The following HIF3A variants were observed in gnomAD, a reference collection of about 807,000 sequenced individuals.
HIF3A encodes hypoxia inducible factor 3 subunit alpha, also known as hypoxia-inducible factor 3-alpha.
In HIF3A, 41 loss-of-function variants were observed where a neutral mutation model predicts 67.2. That is an observed-to-expected ratio of 0.61 (90% CI 0.48 to 0.79). The LOEUF (loss-of-function observed/expected upper bound fraction) is 0.79. Among genes scored for constraint, HIF3A ranks in the 30% least tolerant of loss-of-function variants. The probability of loss-of-function intolerance (pLI) is 0.00; values close to 1 mark genes in which losing one functional copy is unlikely to be tolerated. For synonymous variants in HIF3A, 356 were observed against 374.8 expected (o/e 0.95, Z 0.58); for missense variants, 855 against 898.0 (o/e 0.95, Z 0.61).
chr19:46,335,144 A>G (rs1023668151), intron 14 of HIF3A, among the ~76,000 whole-genome samples, 158 bp downstream of exon 14: 3 of 152,080 alleles, frequency 2.0e-5, no homozygotes, highest in African/African-American at 7.2e-5. Context: ...TCTCATGGGC[A>G]CTGTGGAGGA....
chr19:46,304,209 CG>C lies in HIF3A; in HGVS notation c.217+122del, dbSNP rs984877221. The C allele has an allele frequency of 1.2e-4, 97 of 793,938 alleles. 1 individual carries two copies. The highest frequency in any genetic ancestry group is 1.5e-4 in the Non-Finnish European group (85 of 557,666). 49.2% of individuals were successfully genotyped at this position (793,938 alleles called of 1,614,324 possible). A position where few individuals can be genotyped will look rare whatever the true frequency, so the allele number is the denominator to read the frequency against. ...CTGACAAAGCCCCGCCCCCTGGTGTCGTTTTTTTCGGCGGAGCCCCACCCCC... is the reference window on the plus strand; with the variant it reads ...CTGACAAAGCCCCGCCCCCTGGTGTCTTTTTTTCGGCGGAGCCCCACCCCC... On this transcript the variant is annotated intron_variant, in intron 2 of 14. Coordinates refer to ENST00000377670, the MANE Select transcript of HIF3A (RefSeq NM_152795.4).
At chr19:46,298,185 A>G (rs4803923) in intron 1 of HIF3A, 257,817 of 301,050 alleles carry the variant, frequency 0.86, 111,539 homozygotes, top group Non-Finnish European at 0.91. Flanking sequence ...GATTGGATCC[A>G]TGCACACCCC....
intron 11 of HIF3A, among the ~76,000 whole-genome samples, chr19:46,327,374 G>A (rs963453975): frequency 4.7e-5 from 7 of 147,996 alleles, no homozygotes; most frequent in Non-Finnish European, 3.0e-5. Context: ...GGAATTCAGT[G>A]ACGCAATCTT....
rs1334718768 is a variant in HIF3A at position 46,338,581 on chromosome 19, A to C, written c.1913-944A>C. The stretch of plus-strand genomic sequence containing the variant: ...CTGGTTTCCCAAGTAACAACAGCTG[A>C]CTTAACTGCTTTCTCACCAGTACTA... On this transcript the variant is annotated intron_variant, in intron 14 of 14. Transcript: ENST00000377670. 4.7e-6 allele frequency: 5 copies of C among 1,074,222 alleles called. No individual in the cohort carries two copies. In the African/African-American group the frequency reaches 6.9e-5, roughly 15 times the overall value. The allele number at this position is 1,074,222 out of a possible 1,614,324, so 66.5% of individuals were successfully genotyped here.
At chr19:46,335,980 G>A (rs897846400) in intron 14 of HIF3A, among the ~76,000 whole-genome samples, 1 of 151,892 alleles carries the variant, frequency 6.6e-6, no homozygotes, top group African/African-American at 2.4e-5. Flanking sequence ...GTTCGAGGCT[G>A]CAGTGAGCTG....
chr19:46,331,855 C>CAAAAA (rs532285027), intron 13 of HIF3A, among the ~76,000 whole-genome samples: 5,854 of 51,008 alleles, frequency 0.11, 381 homozygotes, highest in African/African-American at 0.27. Flanking sequence ...AACTCCGTCT[C>CAAAAA]AAAAAAAAAA....
At chr19:46,301,718 C>T (rs544147491) in intron 1 of HIF3A, among the ~76,000 whole-genome samples, 11 of 151,178 alleles carry the variant, frequency 7.3e-5, no homozygotes, top group South Asian at 4.2e-4. Context: ...CCCAGCTACT[C>T]GGGAGGCTGA....
intron 9 of HIF3A, 77 bp from the exon 10 acceptor site, chr19:46,321,699 G>C: frequency 7.9e-7 from 1 of 1,273,444 alleles, no homozygotes. Flanking sequence ...CTGTGTTCCT[G>C]GGGTTGGTAT....
intron 12 of HIF3A, 82 bp from the exon 13 acceptor site, chr19:46,331,074 G>A: frequency 9.7e-7 from 1 of 1,033,966 alleles, no homozygotes. Flanking sequence ...GGGAGTGAAT[G>A]AATGCTCATC....
At chr19:46,318,530 G>C (rs112479404) in intron 8 of HIF3A, among the ~76,000 whole-genome samples, 12,679 of 122,922 alleles carry the variant, frequency 0.1, 836 homozygotes, top group East Asian at 0.29. Flanking sequence ...GCCTGAGCGA[G>C]AGAGTGAGAT....
intron 1 of HIF3A, chr19:46,298,506 T>C (rs1410200264): frequency 1.6e-6 from 2 of 1,279,196 alleles, no homozygotes; most frequent in East Asian, 1.1e-4. Flanking sequence ...AACGGGGGCC[T>C]GGGCGATGGT....
rs774610340 is a variant in HIF3A, at chr19:46,297,085, G to C, written c.9G>C (p.Leu3=). The change falls in exon 1 of 15, where the codon CTG becomes CTC. Residue 3 remains leucine (L), a synonymous_variant. Transcript: ENST00000377670. This position sits in a 1 kb window ranked among gnomAD's most constrained non-coding sequence, Gnocchi z 4.5. Reference sequence around the variant, plus strand: ...GCGGCGACTGGCGAGCCATGGCGCTGGGGCTGCAGCGCGCAAGGTACTGAA... The same window carrying C: ...GCGGCGACTGGCGAGCCATGGCGCTCGGGCTGCAGCGCGCAAGGTACTGAA... MA[L]GLQRARSTTE... is the part of the protein sequence containing the mutation. 4 of 1,307,632 alleles carry C rather than the reference G, an allele frequency of 3.1e-6. No homozygotes were observed. Among genetic ancestry groups the C allele is most frequent in the Non-Finnish European group, 3.9e-6 (4 of 1,018,474 alleles). 81.0% of individuals were successfully genotyped at this position (1,307,632 alleles called of 1,614,324 possible). A position where few individuals can be genotyped will look rare whatever the true frequency, so the allele number is the denominator to read the frequency against.
rs899894595 is a variant in HIF3A at position 46,298,658 on chromosome 19, C to T, written c.26+1556C>T. On this transcript the variant is annotated intron_variant, in intron 1 of 14. Transcript: ENST00000377670. ...AGAGTGCCCAGTGAGGTAGTATTCC[C>T]GGAGAAGATAGGATTTTGGGGACCA... 1.5e-4 allele frequency: 81 copies of T among 532,860 alleles called. 2 individuals carry two copies. The highest frequency in any genetic ancestry group is 1.2e-3 in the South Asian group (63 of 50,820). The allele number at this position is 532,860 out of a possible 1,614,324, so 33.0% of individuals were successfully genotyped here. A position where few individuals can be genotyped will look rare whatever the true frequency, so the allele number is the denominator to read the frequency against.
intron 2 of HIF3A, 78 bp from the exon 3 acceptor site, chr19:46,305,167 G>A (rs1311055498): frequency 6.2e-7 from 1 of 1,601,882 alleles, no homozygotes; most frequent in Admixed American, 1.7e-5. Context: ...AAGGCAGAGG[G>A]AGGCTAGCCC....
rs975787613 is a variant in HIF3A at position 46,297,328 on chromosome 19, C to T, written c.26+226C>T. ...CCGCCCCTCTGGCCAAGAGCGGCTT[C>T]GGGGTTCCCGATTTCTCGCTACCCA... On this transcript the variant is annotated intron_variant, in intron 1 of 14. Coordinates refer to ENST00000377670, the MANE Select transcript of HIF3A (RefSeq NM_152795.4). The surrounding 1 kb of genome is among the most constrained non-coding windows in gnomAD (Gnocchi z 4.5). 6.6e-6 allele frequency among the ~76,000 whole-genome samples: 1 copy of T among 152,222 alleles called. No homozygotes were observed. Among genetic ancestry groups the T allele is most frequent in the Non-Finnish European group, 1.5e-5 (1 of 68,000 alleles).
intron 10 of HIF3A, among the ~76,000 whole-genome samples, chr19:46,324,984 A>AG: frequency 2.9e-5 from 3 of 101,950 alleles, no homozygotes; most frequent in Non-Finnish European, 5.6e-5. Flanking sequence ...ACACACATAT[A>AG]TTGTGTGTGT....
At position 46,308,650 on chromosome 19, in the gene HIF3A, C is replaced by T. The variant is rs375583118; in HGVS notation, c.449-13C>T. On this transcript the variant is annotated splice_polypyrimidine_tract_variant and intron_variant, in intron 4 of 14. Transcript: ENST00000377670. ...CTGCCTGTGACCTCCCCGCTGCCCC[C>T]GGGCCTCCCCAGCCCTGTCCAGGAG... The T allele has an allele frequency of 9.5e-4, 1,474 of 1,545,904 alleles. 1 individual carries two copies. Among genetic ancestry groups the T allele is most frequent in the Non-Finnish European group, 1.2e-3 (1,338 of 1,133,964 alleles).
chr19:46,335,110 C>A, intron 14 of HIF3A, 124 bp downstream of exon 14: 1 of 648,160 alleles, frequency 1.5e-6, no homozygotes, highest in Non-Finnish European at 2.5e-6. Flanking sequence ...TTGGTGGAAA[C>A]GGCAGCTCCT....
rs370349549 is a variant in HIF3A, at chr19:46,308,739, C to T, written c.525C>T (p.Arg175=). ...GCATGAAGAGTACACTCACCAGCCGCGGGCGCACCCTCAACCTCAAGGCGG... is the reference window on the plus strand; with the variant it reads ...GCATGAAGAGTACACTCACCAGCCGTGGGCGCACCCTCAACCTCAAGGCGG... ...SLRMKSTLTS[R]GRTLNLKAAT... The change falls in exon 5 of 15, where the codon CGC becomes CGT. Residue 175 remains arginine, a synonymous_variant. Coordinates refer to ENST00000377670, the MANE Select transcript of HIF3A (RefSeq NM_152795.4). 33 of 1,610,106 alleles carry T rather than the reference C, an allele frequency of 2.0e-5. No individual in the cohort carries two copies. The highest frequency in any genetic ancestry group is 1.1e-4 in the African/African-American group (8 of 75,018).
Sources: allele counts gnomAD v4.1 joint callset (sites outside exome capture counted in the v4.1 genomes callset), GRCh38; gene constraint gnomAD v4.1.1; non-coding constraint Gnocchi (gnomAD v3.1); transcripts MANE v1.5; gene names NCBI Gene and HGNC (gene_info 2026-07-23, HGNC 2026-07-21).